The following CSF3R variants were observed in gnomAD, a reference collection of about 807,000 sequenced individuals.
CSF3R encodes the protein granulocyte colony-stimulating factor receptor.
Under a neutral mutation model 84.4 loss-of-function variants are expected in CSF3R, and 52 were observed. The observed-to-expected ratio is 0.62, with a 90% CI of 0.49 to 0.78. The LOEUF (loss-of-function observed/expected upper bound fraction) is 0.78. Ranked by LOEUF, CSF3R falls within the 30% of genes least tolerant of loss-of-function variation. The pLI is 0.00. For missense variants in CSF3R, 890 were observed against 1,055.7 expected, an observed-to-expected ratio of 0.84 and a Z score of 2.17; for synonymous variants, 384 against 429.1, an observed-to-expected ratio of 0.89 and a Z score of 1.30.
chr1:36,467,120 T>C lies in CSF3R; in HGVS notation c.2040+110A>G. ...TCTGCTTCAGTCCAAAGGGACGAGATGTTGCCGGAAGTGACAGGAAGGCCT... is the reference window on the plus strand; with the variant it reads ...TCTGCTTCAGTCCAAAGGGACGAGACGTTGCCGGAAGTGACAGGAAGGCCT... On this transcript the variant is annotated intron_variant, in intron 16 of 16. Transcript: ENST00000373106. This position sits in a 1 kb window ranked among gnomAD's most constrained non-coding sequence, Gnocchi z 4.1. 38 of 1,344,798 alleles carry C rather than the reference T, an allele frequency of 2.8e-5. No homozygotes were observed. The highest frequency in any genetic ancestry group is 4.0e-5 in the Non-Finnish European group (38 of 940,498). 83.3% of individuals were successfully genotyped at this position (1,344,798 alleles called of 1,614,324 possible). A position where few individuals can be genotyped will look rare whatever the true frequency, so the allele number is the denominator to read the frequency against.
intron 2 of CSF3R, 87 bp from the exon 3 acceptor site, chr1:36,479,603 G>C (rs909017142): frequency 9.1e-7 from 1 of 1,099,156 alleles, no homozygotes; most frequent in Non-Finnish European, 1.4e-6. Context: ...GCTTTGACTA[G>C]GTTGCTTGAC....
chr1:36,470,954 C>G (rs1003340606), intron 10 of CSF3R, among the ~76,000 whole-genome samples: 1 of 152,208 alleles, frequency 6.6e-6, no homozygotes, highest in Admixed American at 6.5e-5. Flanking sequence ...GTGCTGTTAT[C>G]ATCCCCATCT....
chr1:36,468,857 G>A (rs1650518948), intron 12 of CSF3R: 5 of 389,498 alleles, frequency 1.3e-5, no homozygotes, highest in Admixed American at 3.6e-5. Flanking sequence ...CACTGCACCC[G>A]GCCCCTCTGT....
chr1:36,467,873 G>A lies in CSF3R; in HGVS notation c.1813C>T (p.Gln605Ter). 6.2e-7 allele frequency: 1 copy of A among 1,614,276 alleles called. No homozygotes were observed. Among genetic ancestry groups the A allele is most frequent in the Non-Finnish European group, 8.5e-7 (1 of 1,180,056 alleles). The change falls in exon 14 of 17, where the codon CAG (glutamine) becomes TAG (stop). Residue 605 changes from glutamine to a stop codon, truncating the protein, a stop_gained. Transcript: ENST00000373106. LOFTEE classifies it high-confidence loss of function. This position sits in a 1 kb window ranked among gnomAD's most constrained non-coding sequence, Gnocchi z 4.1. ...ACTGTACTGTTGGTGGCCCCAGCCTGGCTGGCAGCCATGAGGTGGATGTGA... is the reference window on the plus strand; with the variant it reads ...ACTGTACTGTTGGTGGCCCCAGCCTAGCTGGCAGCCATGAGGTGGATGTGA... ...LYHIHLMAAS[Q>*]AGATNSTVLT...
Position 36,466,303 on chromosome 1 carries a change from C to G in CSF3R, c.*54G>C. The G allele has an allele frequency of 3.1e-6, 5 of 1,611,714 alleles. No individual in the cohort carries two copies. Among genetic ancestry groups the G allele is most frequent in the Non-Finnish European group, 3.4e-6 (4 of 1,179,478 alleles). ...GGGCTTATGGACCCTCCCCTCTTCT[C>G]CAGCTAGCTCAGGCCTTTAAGAGGC... On this transcript the variant is annotated 3_prime_UTR_variant, in exon 17 of 17. Coordinates refer to ENST00000373106, the MANE Select transcript of CSF3R (RefSeq NM_000760.4). The surrounding 1 kb of genome is among the most constrained non-coding windows in gnomAD (Gnocchi z 4.6).
chr1:36,466,451 C>G lies in CSF3R; in HGVS notation c.2417G>C (p.Ser806Thr), dbSNP rs927190839. The change falls in exon 17 of 17, where the codon AGC becomes ACC. Residue 806 changes from serine (S) to threonine (T), a missense_variant. Transcript: ENST00000373106. The surrounding 1 kb of genome is among the most constrained non-coding windows in gnomAD (Gnocchi z 4.6). Reference sequence around the variant, plus strand: ...CCCAAAGACACAGTCGTCCTCCTGGCTTGGGGCTGGGGTTACCAGGGTCCC... The same window carrying G: ...CCCAAAGACACAGTCGTCCTCCTGGGTTGGGGCTGGGGTTACCAGGGTCCC... ...PLGTLVTPAP[S>T]QEDDCVFGPL... is the part of the protein sequence containing the mutation. 6.2e-6 allele frequency: 10 copies of G among 1,612,892 alleles called. No individual in the cohort carries two copies. The highest frequency in any genetic ancestry group is 1.1e-5 in the South Asian group (1 of 90,908).
chr1:36,471,039 GTTTTTTGTTT>G (rs908693391), intron 10 of CSF3R, among the ~76,000 whole-genome samples: 3 of 151,690 alleles, frequency 2.0e-5, no homozygotes, highest in South Asian at 2.1e-4. Context: ...GATAGGACTC[GTTTTTTGTTT>G]TTTTTTGTTT....
intron 3 of CSF3R, 130 bp downstream of exon 3, chr1:36,479,303 G>A (rs370778038): frequency 1.3e-4 from 123 of 945,568 alleles, no homozygotes; most frequent in Non-Finnish European, 2.2e-5. Flanking sequence ...CCCCACATCT[G>A]TGGCTCAGAC....
rs753406710 is a variant in CSF3R, at chr1:36,472,225, A to C, written c.997+13T>G. ...TACTGTTGGCTGCTCCCAGCCTCTC[A>C]TCACCTCCTTACCCCGTTCGGTAGT... On this transcript the variant is annotated intron_variant, in intron 8 of 16. Transcript: ENST00000373106. This position sits in a 1 kb window ranked among gnomAD's most constrained non-coding sequence, Gnocchi z 5.0. The C allele has an allele frequency of 9.3e-6, 15 of 1,614,042 alleles. No individual in the cohort carries two copies. The highest frequency in any genetic ancestry group is 1.3e-5 in the Non-Finnish European group (15 of 1,179,974).
Position 36,475,389 on chromosome 1 carries a change from G to A in CSF3R, c.349C>T (p.Leu117=). The part of the protein sequence containing the change: ...NSLQILDQVE[L]RAGYPPAIPH... ...TGGAAGGACTTACAGCCTGCGCGCA[G>A]CTCAACCTGGTCCAGGATCTGCAGG... The change falls in exon 4 of 17, where the codon CTG becomes TTG. Residue 117 remains leucine (L), a synonymous_variant. Transcript: ENST00000373106. The A allele has an allele frequency of 1.2e-6, 2 of 1,613,944 alleles. No individual in the cohort carries two copies. The highest frequency in any genetic ancestry group is 8.5e-7 in the Non-Finnish European group (1 of 1,180,026).
intron 2 of CSF3R, among the ~76,000 whole-genome samples, chr1:36,480,343 A>G (rs962852230): frequency 2.0e-5 from 3 of 152,212 alleles, no homozygotes; most frequent in Admixed American, 6.5e-5. Context: ...GGGCTGAGAG[A>G]ATATCAAGTG....
chr1:36,473,606 G>C lies in CSF3R; in HGVS notation c.502C>G (p.Gln168Glu). ...TCCAGGATGGAGTCCCCTTGGGTCT[G>C]ACAGTTGCCCCGGCTCCTGCCAATA... is the stretch of plus-strand genomic sequence containing the variant. Reference protein sequence around the residue: ...LKSFKSRGNCQTQGDSILDCV... With the variant: ...LKSFKSRGNCETQGDSILDCV... Residue 168 changes from glutamine (Q) to glutamate (E), a missense_variant, in exon 6 of 17, where the codon CAG becomes GAG. Physicochemically the swap from Gln to Glu is conservative, Grantham distance 29. Coordinates refer to ENST00000373106, the MANE Select transcript of CSF3R (RefSeq NM_000760.4). 6.2e-7 allele frequency: 1 copy of C among 1,614,062 alleles called. No individual in the cohort carries two copies. Among genetic ancestry groups the C allele is most frequent in the Non-Finnish European group, 8.5e-7 (1 of 1,180,052 alleles).
rs754591343 is a variant in CSF3R at position 36,467,454 on chromosome 1, C to A, written c.1958+104G>T. On this transcript the variant is annotated intron_variant, in intron 15 of 16. Coordinates refer to ENST00000373106, the MANE Select transcript of CSF3R (RefSeq NM_000760.4). This position sits in a 1 kb window ranked among gnomAD's most constrained non-coding sequence, Gnocchi z 4.1. ...GGGGCTGGGACTCTCAGACATGGGCCCCAAAGTTTGGGAAGGCTGGAAGGG... is the reference window on the plus strand; with the variant it reads ...GGGGCTGGGACTCTCAGACATGGGCACCAAAGTTTGGGAAGGCTGGAAGGG... 1.8e-5 allele frequency: 26 copies of A among 1,434,418 alleles called. No homozygotes were observed. The highest frequency in any genetic ancestry group is 2.4e-5 in the Non-Finnish European group (24 of 1,018,586). 88.9% of individuals were successfully genotyped at this position (1,434,418 alleles called of 1,614,324 possible). A position where few individuals can be genotyped will look rare whatever the true frequency, so the allele number is the denominator to read the frequency against.
chr1:36,476,158 T>A, intron 3 of CSF3R: 1 of 156,944 alleles, frequency 6.4e-6, no homozygotes, highest in Non-Finnish European at 1.4e-5. Flanking sequence ...CAAATCTGAT[T>A]CTGCTACCCC....
At chr1:36,470,376 G>A (rs995074662) in intron 10 of CSF3R, among the ~76,000 whole-genome samples, 1 of 152,020 alleles carries the variant, frequency 6.6e-6, no homozygotes, top group Non-Finnish European at 1.5e-5. Flanking sequence ...GTAGAGATGG[G>A]GTTTCACTAT....
chr1:36,479,867 T>C, intron 2 of CSF3R: 1 of 358,948 alleles, frequency 2.8e-6, no homozygotes, highest in South Asian at 2.3e-5. Context: ...GAACCTGAGA[T>C]GAGGAATTGC....
chr1:36,475,794 G>T, intron 3 of CSF3R, 121 bp from the exon 4 acceptor site: 1 of 1,014,320 alleles, frequency 9.9e-7, no homozygotes, highest in Non-Finnish European at 1.4e-6. Context: ...TTCAAGATAT[G>T]GGGGCTGGAA....
At position 36,473,567 on chromosome 1, in the gene CSF3R, C is replaced by T; in HGVS notation, c.541G>A (p.Asp181Asn). The change falls in exon 6 of 17, where the codon GAC becomes AAC. Residue 181 changes from aspartate (D) to asparagine (N), a missense_variant. Physicochemically the swap from Asp to Asn is conservative, Grantham distance 23. Transcript: ENST00000373106. ...GDSILDCVPKDGQSHCCIPRK... is the reference protein window; with the variant it reads ...GDSILDCVPKNGQSHCCIPRK... ...GGGATGCAGCAGTGGCTCTGCCCGT[C>T]CTTGGGCACGCAGTCCAGGATGGAG... 1 of 1,614,188 alleles carries T rather than the reference C, an allele frequency of 6.2e-7. No homozygotes were observed. The highest frequency in any genetic ancestry group is 8.5e-7 in the Non-Finnish European group (1 of 1,180,050).
In CSF3R at chr1:36,472,004, T is replaced by TAGGGATCTG. The variant is rs1232218828; in HGVS notation, c.1071+53_1071+61dup. On this transcript the variant is annotated intron_variant, in intron 9 of 16. Transcript: ENST00000373106. This position sits in a 1 kb window ranked among gnomAD's most constrained non-coding sequence, Gnocchi z 5.0. The stretch of plus-strand genomic sequence containing the variant: ...TGTTGGAGTCCTAAGCCCCGGTTTG[T>TAGGGATCTG]AGGGATCTGTTTGGACTGCGGGAGG... 36 of 1,537,840 alleles carry TAGGGATCTG rather than the reference T, an allele frequency of 2.3e-5. No homozygotes were observed. Among genetic ancestry groups the TAGGGATCTG allele is most frequent in the Non-Finnish European group, 4.5e-6 (5 of 1,117,700 alleles).
Sources: gnomAD v4.1 joint callset for allele counts (sites outside exome capture counted in the v4.1 genomes callset) on GRCh38, gnomAD v4.1.1 for gene constraint, Gnocchi (gnomAD v3.1) non-coding constraint, MANE v1.5 for transcripts, NCBI Gene and HGNC (gene_info 2026-07-23, HGNC 2026-07-21) for gene names.